ARL5A: variants seen among roughly 807,000 people sequenced by gnomAD.
The protein encoded by ARL5A is ARF like GTPase 5A, also known as ADP-ribosylation factor-like protein 5A.
Under a neutral mutation model 25.9 loss-of-function variants are expected in ARL5A, and 18 were observed. The ratio of observed to expected loss-of-function variants is 0.69; its 90% CI spans 0.48 to 1.03. ARL5A has a LOEUF of 1.03. Among genes scored for constraint, ARL5A ranks in the 50% least tolerant of loss-of-function variants. The pLI, the probability that ARL5A is intolerant of heterozygous loss-of-function variation, is 0.00. For missense variants in ARL5A, 170 were observed against 211.9 expected (o/e 0.80, Z 1.23); for synonymous variants, 61 against 67.5 (o/e 0.90, Z 0.47).
chr2:151,805,898 GTCC>G (rs1307067711), intron 5 of ARL5A, among the ~76,000 whole-genome samples: 1 of 152,004 alleles, frequency 6.6e-6, no homozygotes, highest in African/African-American at 2.4e-5. Flanking sequence ...CTTTAGTTTG[GTCC>G]TCCTTTTAGC....
chr2:151,820,679 A>AAC (rs1424586364), intron 1 of ARL5A, among the ~76,000 whole-genome samples: 21 of 150,982 alleles, frequency 1.4e-4, no homozygotes, highest in South Asian at 6.3e-4. Context: ...AAAAAAAAAA[A>AAC]AAAAAACAGA....
chr2:151,809,540 T>C (rs973403406), intron 4 of ARL5A, among the ~76,000 whole-genome samples: 10 of 152,230 alleles, frequency 6.6e-5, no homozygotes, highest in Non-Finnish European at 1.5e-4. Context: ...ATGTATATAT[T>C]AGAACAGTAG....
At chr2:151,826,626 A>T (rs1285812609) in intron 1 of ARL5A, among the ~76,000 whole-genome samples, 1 of 152,272 alleles carries the variant, frequency 6.6e-6, no homozygotes, top group Non-Finnish European at 1.5e-5. Flanking sequence ...AAACTAGAAT[A>T]GATCTTATCT....
chr2:151,804,000 A>G (rs1374452957), intron 5 of ARL5A, among the ~76,000 whole-genome samples: 1 of 152,214 alleles, frequency 6.6e-6, no homozygotes, highest in Non-Finnish European at 1.5e-5. Flanking sequence ...ATGATGAAAT[A>G]TTTAAAATTT....
At chr2:151,817,348 C>G (rs1183225783) in intron 1 of ARL5A, among the ~76,000 whole-genome samples, 1 of 152,230 alleles carries the variant, frequency 6.6e-6, no homozygotes, top group East Asian at 1.9e-4. Context: ...ATCATCTTTA[C>G]ATTTCTAGTG....
At chr2:151,818,832 A>G (rs1026154508) in intron 1 of ARL5A, among the ~76,000 whole-genome samples, 4 of 152,188 alleles carry the variant, frequency 2.6e-5, no homozygotes, top group Admixed American at 1.3e-4. Flanking sequence ...TCTGACTTGG[A>G]TAAGAGTTTT....
chr2:151,819,826 C>T (rs530168110), intron 1 of ARL5A, among the ~76,000 whole-genome samples: 1 of 151,382 alleles, frequency 6.6e-6, no homozygotes, highest in South Asian at 2.1e-4. Flanking sequence ...GAGGCCGAGG[C>T]AGGTGGATCA....
intron 2 of ARL5A, among the ~76,000 whole-genome samples, chr2:151,814,690 G>A (rs1337407588): frequency 1.3e-5 from 2 of 151,814 alleles, no homozygotes; most frequent in Non-Finnish European, 2.9e-5. Context: ...TGAGTAGCTG[G>A]AACTACAGGT....
intron 1 of ARL5A, among the ~76,000 whole-genome samples, chr2:151,818,914 A>T (rs768288977): frequency 2.4e-4 from 36 of 152,274 alleles, no homozygotes; most frequent in Non-Finnish European, 3.2e-4. Context: ...AAGTTACGGG[A>T]ATATATCCCG....
intron 1 of ARL5A, among the ~76,000 whole-genome samples, chr2:151,821,775 C>CTTTTT (rs760341359): frequency 8.8e-6 from 1 of 113,544 alleles, no homozygotes; most frequent in African/African-American, 3.4e-5. Flanking sequence ...GCCCGGCTTT[C>CTTTTT]TTTTTTTTTT....
rs796940165 is a variant in ARL5A at position 151,806,179 on chromosome 2, T to TA, written c.491+641dup. 3.3e-5 allele frequency among the ~76,000 whole-genome samples: 5 copies of TA among 152,284 alleles called. No homozygotes were observed. The East Asian group carries it at 9.6e-4, about 29-fold the overall frequency. On this transcript the variant is annotated intron_variant, in intron 5 of 5. Coordinates refer to ENST00000295087, the MANE Select transcript of ARL5A (RefSeq NM_012097.4). ...TGACCACACCACTTCCTTCTTGAAA[T>TA]ACTTTCATCTCTGGGTGCTAGACAG...
chr2:151,803,982 A>G (rs2099829762), intron 5 of ARL5A, among the ~76,000 whole-genome samples: 1 of 152,164 alleles, frequency 6.6e-6, no homozygotes, highest in South Asian at 2.1e-4. Context: ...AAATTACAAG[A>G]CATTTGTATG....
chr2:151,810,873 A>T (rs147242787), intron 4 of ARL5A, among the ~76,000 whole-genome samples: 2 of 152,314 alleles, frequency 1.3e-5, no homozygotes, highest in African/African-American at 4.8e-5. Context: ...TCTTTTTCCA[A>T]AGTCTTCATA....
chr2:151,814,076 T>G (rs12992600), intron 3 of ARL5A, 93 bp downstream of exon 3: 2 of 1,180,800 alleles, frequency 1.7e-6, no homozygotes, highest in Non-Finnish European at 2.4e-6. Flanking sequence ...TAACATACTG[T>G]GATATTTCAA....
chr2:151,825,906 C>T, intron 1 of ARL5A, among the ~76,000 whole-genome samples: 1 of 151,772 alleles, frequency 6.6e-6, no homozygotes, highest in Non-Finnish European at 1.5e-5. Flanking sequence ...GGGTGGATCA[C>T]GAAGTCAAGA....
chr2:151,812,337 T>TA lies in ARL5A; in HGVS notation c.339+19dup. The TA allele has an allele frequency of 6.5e-7, 1 of 1,528,296 alleles. No homozygotes were observed. Among genetic ancestry groups the TA allele is most frequent in the Non-Finnish European group, 8.9e-7 (1 of 1,121,984 alleles). 94.7% of individuals were successfully genotyped at this position (1,528,296 alleles called of 1,614,324 possible). A position where few individuals can be genotyped will look rare whatever the true frequency, so the allele number is the denominator to read the frequency against. ...CCCATACCCTTCCCCATATCTAATG[T>TA]AAAAAGACTACTTACTTACCTCATG... On this transcript the variant is annotated intron_variant, in intron 4 of 5. Transcript: ENST00000295087.
intron 4 of ARL5A, among the ~76,000 whole-genome samples, chr2:151,808,689 T>C: frequency 6.6e-6 from 1 of 152,348 alleles, no homozygotes; most frequent in East Asian, 1.9e-4. Context: ...GTATAACTTG[T>C]ATACATATAG....
chr2:151,805,089 ATAT>A (rs946875957), intron 5 of ARL5A, among the ~76,000 whole-genome samples: 19 of 152,290 alleles, frequency 1.2e-4, no homozygotes, highest in Middle Eastern at 3.4e-3. Context: ...TTATTGACAA[ATAT>A]TATAAATCCA....
intron 1 of ARL5A, among the ~76,000 whole-genome samples, chr2:151,824,954 G>A (rs1225888837): frequency 6.6e-6 from 1 of 152,210 alleles, no homozygotes. Flanking sequence ...TAGGGTTGTT[G>A]TAAAGAGTAA....
Sources: gnomAD v4.1 joint callset for allele counts (sites outside exome capture counted in the v4.1 genomes callset) on GRCh38, gnomAD v4.1.1 for gene constraint, MANE v1.5 for transcripts, NCBI Gene and HGNC (gene_info 2026-07-23, HGNC 2026-07-21) for gene names.